Variants in ITIH5 observed in about 807,000 individuals in gnomAD.
The protein encoded by ITIH5 is inter-alpha-trypsin inhibitor heavy chain 5, also known as inter-alpha-trypsin inhibitor heavy chain H5.
In ITIH5, 65 loss-of-function variants were observed where a neutral mutation model predicts 77.5. The ratio of observed to expected loss-of-function variants is 0.84; its 90% confidence interval spans 0.69 to 1.03. The LOEUF is 1.03. Among genes scored for constraint, ITIH5 ranks in the 50% least tolerant of loss-of-function variants. The pLI is 0.00. For missense variants in ITIH5, 1,208 were observed against 1,213.1 expected (o/e 1.00, Z 0.06); for synonymous variants, 525 against 494.3 (o/e 1.06, Z -0.82).
chr10:7,626,716 G>C (rs1292368990), intron 5 of ITIH5, among the ~76,000 whole-genome samples: 1 of 152,204 alleles, frequency 6.6e-6, no homozygotes, highest in Admixed American at 6.5e-5. Flanking sequence ...CCTAGTGCAA[G>C]CATGTCCTAA....
chr10:7,584,194 C>A (rs1250684478), intron 8 of ITIH5, among the ~76,000 whole-genome samples: 2 of 152,076 alleles, frequency 1.3e-5, no homozygotes, highest in Admixed American at 6.6e-5. Flanking sequence ...TGTTCACCTG[C>A]AGAGGCTAGG....
intron 8 of ITIH5, among the ~76,000 whole-genome samples, chr10:7,585,415 A>T (rs1393176343): frequency 6.6e-6 from 1 of 151,896 alleles, no homozygotes; most frequent in Non-Finnish European, 1.5e-5. Flanking sequence ...TCCCCATCAC[A>T]TTTTACCTCC....
chr10:7,564,349 A>C (rs1832098553), intron 13 of ITIH5, among the ~76,000 whole-genome samples: 2 of 152,152 alleles, frequency 1.3e-5, no homozygotes, highest in Admixed American at 1.3e-4. Flanking sequence ...TACATATGTA[A>C]TTTTCATGTT....
intron 2 of ITIH5, among the ~76,000 whole-genome samples, chr10:7,645,250 T>TA (rs956621713): frequency 8.0e-5 from 12 of 149,640 alleles, no homozygotes; most frequent in East Asian, 1.9e-4. Context: ...TGATCAAGTT[T>TA]AAAAAAAAAA....
chr10:7,604,611 C>A (rs1833084707), intron 7 of ITIH5, among the ~76,000 whole-genome samples: 1 of 152,194 alleles, frequency 6.6e-6, no homozygotes, highest in Non-Finnish European at 1.5e-5. Context: ...ATGACCCAAA[C>A]CTTCACACTA....
intron 13 of ITIH5, among the ~76,000 whole-genome samples, chr10:7,565,293 C>T (rs1588353639): frequency 8.2e-6 from 1 of 121,704 alleles, no homozygotes; most frequent in African/African-American, 2.8e-5. Context: ...ACACACCATA[C>T]ATACAGACTG....
chr10:7,637,202 G>C (rs749787511), intron 5 of ITIH5, 26 bp downstream of exon 5: 1 of 1,596,266 alleles, frequency 6.3e-7, no homozygotes, highest in Admixed American at 1.7e-5. Context: ...CCACAGATCT[G>C]CACGAACCCA....
chr10:7,597,271 C>T (rs1355788531), intron 7 of ITIH5, among the ~76,000 whole-genome samples: 3 of 152,098 alleles, frequency 2.0e-5, no homozygotes, highest in Non-Finnish European at 4.4e-5. Context: ...GGGCAGGTGT[C>T]TGTACTGTCC....
At chr10:7,654,508 C>T (rs1432542893) in intron 2 of ITIH5, among the ~76,000 whole-genome samples, 1 of 152,196 alleles carries the variant, frequency 6.6e-6, no homozygotes, top group Non-Finnish European at 1.5e-5. Flanking sequence ...AAATATCTCC[C>T]TCCAGGAGCA....
intron 7 of ITIH5, among the ~76,000 whole-genome samples, chr10:7,600,772 A>G (rs1463218410): frequency 6.6e-6 from 1 of 152,226 alleles, no homozygotes; most frequent in Non-Finnish European, 1.5e-5. Flanking sequence ...TCATGAAATT[A>G]GAGCCCTCAT....
intron 5 of ITIH5, among the ~76,000 whole-genome samples, chr10:7,636,998 C>T (rs1057489756): frequency 6.6e-6 from 1 of 151,896 alleles, no homozygotes; most frequent in Non-Finnish European, 1.5e-5. Context: ...TTGCAGTGAG[C>T]GGAGATCTCG....
At chr10:7,598,793 A>G (rs1451242096) in intron 7 of ITIH5, among the ~76,000 whole-genome samples, 1 of 152,262 alleles carries the variant, frequency 6.6e-6, no homozygotes, top group Non-Finnish European at 1.5e-5. Flanking sequence ...GTCCTAAAAT[A>G]GAAAGATTGC....
intron 1 of ITIH5, among the ~76,000 whole-genome samples, chr10:7,662,561 G>A (rs1447597148): frequency 1.3e-5 from 2 of 152,252 alleles, no homozygotes; most frequent in East Asian, 1.9e-4. Context: ...CAGCAGCTAC[G>A]CTGATGACAT....
intron 7 of ITIH5, among the ~76,000 whole-genome samples, chr10:7,605,475 T>C (rs1344535421): frequency 2.0e-5 from 3 of 151,938 alleles, no homozygotes; most frequent in Non-Finnish European, 4.4e-5. Context: ...TCTTCTTCTC[T>C]GAGCTTCTTG....
intron 2 of ITIH5, among the ~76,000 whole-genome samples, chr10:7,642,691 T>C (rs1191861590): frequency 6.6e-6 from 1 of 152,160 alleles, no homozygotes; most frequent in Non-Finnish European, 1.5e-5. Context: ...GCTAATTAAA[T>C]TTCTCCCAAA....
intron 7 of ITIH5, among the ~76,000 whole-genome samples, chr10:7,611,564 CT>C (rs1292950893): frequency 6.6e-6 from 1 of 152,202 alleles, no homozygotes; most frequent in Non-Finnish European, 1.5e-5. Context: ...AGATGCATTT[CT>C]TTAATTACTA....
chr10:7,613,141 G>A (rs571010155), intron 7 of ITIH5, among the ~76,000 whole-genome samples: 62 of 152,126 alleles, frequency 4.1e-4, no homozygotes, highest in Non-Finnish European at 7.1e-4. Context: ...GCTACTTGGG[G>A]GAACTGAGGC....
In ITIH5 at chr10:7,655,636, T is replaced by C. The variant is rs865774139; in HGVS notation, c.130A>G (p.Arg44Gly). The C allele has an allele frequency of 1.4e-5, 23 of 1,611,796 alleles. 2 individuals carry two copies. The Middle Eastern group carries it at 2.8e-3, about 197-fold the overall frequency. The change falls in exon 2 of 14, where the codon AGG (arginine) becomes GGG (glycine). Residue 44 changes from arginine (R) to glycine (G), a missense_variant. Transcript: ENST00000397146. Reference protein sequence around the residue: ...RVPRQVRLLQRLKTKPLMTEF... With the variant: ...RVPRQVRLLQGLKTKPLMTEF... ...TGCACCATGAATATACCTACCAGCC[T>C]CTGCAACAGTCTGACTTGCCTCGGG... is the stretch of plus-strand genomic sequence containing the variant.
At chr10:7,604,119 G>A (rs1405138474) in intron 7 of ITIH5, among the ~76,000 whole-genome samples, 1 of 152,140 alleles carries the variant, frequency 6.6e-6, no homozygotes, top group Non-Finnish European at 1.5e-5. Context: ...TGATTCCATG[G>A]TAGTGTACAT....
Sources: gnomAD v4.1 joint callset for allele counts (sites outside exome capture counted in the v4.1 genomes callset) on GRCh38, gnomAD v4.1.1 for gene constraint, MANE v1.5 for transcripts, NCBI Gene and HGNC (gene_info 2026-07-23, HGNC 2026-07-21) for gene names.